Variants in PEX3 observed in about 807,000 individuals in gnomAD.
The protein encoded by PEX3 is peroxin-3.
A neutral mutation model predicts 55.8 loss-of-function variants in PEX3; 30 were observed. That is an observed-to-expected ratio of 0.54 (90% CI 0.40 to 0.73). PEX3 has a LOEUF of 0.73. PEX3 is among the 30% of genes least tolerant of loss of function. The pLI is 0.00. For synonymous variants in PEX3, 135 were observed against 148.4 expected (o/e 0.91, Z 0.66); for missense variants, 351 against 432.8 (o/e 0.81, Z 1.68).
At chr6:143,452,071 G>A (rs115031965) in intron 1 of PEX3, among the ~76,000 whole-genome samples, 5,646 of 152,184 alleles carry the variant, frequency 0.037, 347 homozygotes, top group African/African-American at 0.13. Flanking sequence ...ATTGTATTCT[G>A]TTCTCCCCAA....
At position 143,476,306 on chromosome 6, in the gene PEX3, T is replaced by C. The variant is rs146019854; in HGVS notation, c.818+1450T>C. 4.2e-4 allele frequency among the ~76,000 whole-genome samples: 64 copies of C among 152,134 alleles called. No individual in the cohort carries two copies. Among genetic ancestry groups the C allele is most frequent in the Admixed American group, 1.0e-3 (16 of 15,280 alleles). On this transcript the variant is annotated intron_variant, in intron 9 of 11. Coordinates refer to ENST00000367591, the MANE Select transcript of PEX3 (RefSeq NM_003630.3). The surrounding 1 kb of genome is among the most constrained non-coding windows in gnomAD (Gnocchi z 5.4). ...TGAGAAAAGTAATAGGGAAGTGAGA[T>C]TGGAGAGATAGATGGAAACTCCAGA...
At position 143,471,204 on chromosome 6, in the gene PEX3, AAC is replaced by A; in HGVS notation, c.456+120_456+121del. On this transcript the variant is annotated intron_variant, in intron 5 of 11. Transcript: ENST00000367591. This position sits in a 1 kb window ranked among gnomAD's most constrained non-coding sequence, Gnocchi z 5.4. ...TATTTTTATATTTCATGTGATTGTG[AAC>A]TTTTAGTATTATGAATAATTTTTAT... 3.8e-6 allele frequency: 4 copies of A among 1,060,828 alleles called. No homozygotes were observed. The South Asian group carries it at 4.2e-5, about 11-fold the overall frequency. 65.7% of individuals were successfully genotyped at this position (1,060,828 alleles called of 1,614,324 possible).
rs187607087 is a variant in PEX3 at position 143,485,668 on chromosome 6, A to T, written c.1038+420A>T. 2.5e-3 allele frequency among the ~76,000 whole-genome samples: 377 copies of T among 152,242 alleles called. 10 individuals are homozygous for T. The highest frequency in any genetic ancestry group is 0.022 in the Admixed American group (336 of 15,268). On this transcript the variant is annotated intron_variant, in intron 11 of 11. Transcript: ENST00000367591. The surrounding 1 kb of genome is among the most constrained non-coding windows in gnomAD (Gnocchi z 5.6). The stretch of plus-strand genomic sequence containing the variant: ...AGTGATTAATAAAATGTAACAGTTA[A>T]TAGTGCATCAATAATATGCTCACTA...
Position 143,471,111 on chromosome 6 carries a change from AT to A in PEX3, c.456+28del, listed in dbSNP as rs1184714245. On this transcript the variant is annotated intron_variant, in intron 5 of 11. Coordinates refer to ENST00000367591, the MANE Select transcript of PEX3 (RefSeq NM_003630.3). The surrounding 1 kb of genome is among the most constrained non-coding windows in gnomAD (Gnocchi z 5.4). ...GTAAGTTTAATAGACTTAAATAGAC[AT>A]TGTTCTTTCCCTCAGGAGGTTCAAA... The A allele has an allele frequency of 3.1e-6, 5 of 1,607,028 alleles. No individual in the cohort carries two copies. In the Admixed American group the frequency reaches 8.3e-5, roughly 27 times the overall value.
At chr6:143,457,227 CAT>C (rs1779858979) in intron 1 of PEX3, among the ~76,000 whole-genome samples, 2 of 152,164 alleles carry the variant, frequency 1.3e-5, no homozygotes, top group Non-Finnish European at 1.5e-5. Context: ...AATTGCCTGT[CAT>C]AGAGTAACTT....
At position 143,463,440 on chromosome 6, in the gene PEX3, G is replaced by T. The variant is rs150617180; in HGVS notation, c.287+443G>T. On this transcript the variant is annotated intron_variant, in intron 3 of 11. Transcript: ENST00000367591. The surrounding 1 kb of genome is among the most constrained non-coding windows in gnomAD (Gnocchi z 5.7). ...TTATATCTTAAATTACTAACAAAAT[G>T]AAATACAAACATAACATGAGCATGC... 4.6e-3 allele frequency among the ~76,000 whole-genome samples: 701 copies of T among 152,232 alleles called. 7 individuals carry two copies. The highest frequency in any genetic ancestry group is 0.018 in the Admixed American group (274 of 15,292).
Position 143,482,194 on chromosome 6 carries a change from A to C in PEX3, c.942-2958A>C, listed in dbSNP as rs535429289. Among the ~76,000 whole-genome samples the C allele has an allele frequency of 2.5e-4, 38 of 152,272 alleles. No individual in the cohort carries two copies. Among genetic ancestry groups the C allele is most frequent in the African/African-American group, 7.9e-4 (33 of 41,566 alleles). ...GATTTTTTTCTATACTTATATCTTG[A>C]AAATAGGTAACTTTTACTGTTGGAT... is the stretch of plus-strand genomic sequence containing the variant. On this transcript the variant is annotated intron_variant, in intron 10 of 11. Transcript: ENST00000367591. This position sits in a 1 kb window ranked among gnomAD's most constrained non-coding sequence, Gnocchi z 5.5.
At chr6:143,460,135 CCTT>C (rs749964683) in intron 2 of PEX3, among the ~76,000 whole-genome samples, 8 of 152,104 alleles carry the variant, frequency 5.3e-5, no homozygotes, top group African/African-American at 1.7e-4. Flanking sequence ...GGTACATTCT[CCTT>C]ATTTAATTTT....
At chr6:143,455,381 T>G (rs1196176038) in intron 1 of PEX3, among the ~76,000 whole-genome samples, 10 of 126,344 alleles carry the variant, frequency 7.9e-5, no homozygotes, top group African/African-American at 3.6e-4. Flanking sequence ...TTTTTTTTTT[T>G]TTTTTTTGTA....
At position 143,459,103 on chromosome 6, in the gene PEX3, AATAT is replaced by A; in HGVS notation, c.93_96del (p.Tyr32AspfsTer35). The stretch of plus-strand genomic sequence containing the variant: ...ATTGTAGGAGTATATATTCTGGGGA[AATAT>A]GGACAGAAGAAAATCAGAGAAATAC... On this transcript the variant is annotated frameshift_variant, in exon 2 of 12. Coordinates refer to ENST00000367591, the MANE Select transcript of PEX3 (RefSeq NM_003630.3). LOFTEE classifies it high-confidence loss of function. The surrounding 1 kb of genome is among the most constrained non-coding windows in gnomAD (Gnocchi z 4.2). 1 of 1,595,408 alleles carries A rather than the reference AATAT, an allele frequency of 6.3e-7. No homozygotes were observed. Among genetic ancestry groups the A allele is most frequent in the Non-Finnish European group, 8.6e-7 (1 of 1,163,006 alleles).
chr6:143,488,423 G>A lies in PEX3; in HGVS notation c.1039-720G>A, dbSNP rs1319979604. On this transcript the variant is annotated intron_variant, in intron 11 of 11. Coordinates refer to ENST00000367591, the MANE Select transcript of PEX3 (RefSeq NM_003630.3). The surrounding 1 kb of genome is among the most constrained non-coding windows in gnomAD (Gnocchi z 4.9). Reference sequence around the variant, plus strand: ...TTTAAAATTAAGTGTATGATATAGCGGTATTGCTTCTTTATTCATGCATTA... The same window carrying A: ...TTTAAAATTAAGTGTATGATATAGCAGTATTGCTTCTTTATTCATGCATTA... Among the ~76,000 whole-genome samples, 1 of 151,920 alleles carries A rather than the reference G, an allele frequency of 6.6e-6. No homozygotes were observed. Among genetic ancestry groups the A allele is most frequent in the Non-Finnish European group, 1.5e-5 (1 of 67,952 alleles).
intron 4 of PEX3, among the ~76,000 whole-genome samples, chr6:143,468,513 T>TA (rs1414846582): frequency 6.6e-6 from 1 of 152,180 alleles, no homozygotes; most frequent in Admixed American, 6.5e-5. Context: ...TTGTTAGTGA[T>TA]AAAAAATTGA....
rs1001662877 is a variant in PEX3, at chr6:143,487,074, G to A, written c.1038+1826G>A. Among the ~76,000 whole-genome samples, 1 of 152,262 alleles carries A rather than the reference G, an allele frequency of 6.6e-6. No individual in the cohort carries two copies. ...GAAATGGGAGAATCAGAAAACAATC[G>A]AGAAAGGTGGTTTTTCAAATTATTT... On this transcript the variant is annotated intron_variant, in intron 11 of 11. Transcript: ENST00000367591. This position sits in a 1 kb window ranked among gnomAD's most constrained non-coding sequence, Gnocchi z 5.3.
chr6:143,489,931 T>C lies in PEX3; in HGVS notation c.*705T>C, dbSNP rs1037741567. 6.6e-6 allele frequency: 1 copy of C among 152,182 alleles called. No homozygotes were observed. The highest frequency in any genetic ancestry group is 3.2e-3 in the Middle Eastern group (1 of 316). 9.4% of individuals were successfully genotyped at this position (152,182 alleles called of 1,614,324 possible). ...CTAATTACATAGTTTTAATCATTTGTACATAATTTTAAAAACTTACTTTGT... is the reference window on the plus strand; with the variant it reads ...CTAATTACATAGTTTTAATCATTTGCACATAATTTTAAAAACTTACTTTGT... On this transcript the variant is annotated 3_prime_UTR_variant, in exon 12 of 12. Transcript: ENST00000367591. This position sits in a 1 kb window ranked among gnomAD's most constrained non-coding sequence, Gnocchi z 5.5.
In PEX3 at chr6:143,475,506, A is replaced by G. The variant is rs752258183; in HGVS notation, c.818+650A>G. 6.6e-6 allele frequency among the ~76,000 whole-genome samples: 1 copy of G among 152,168 alleles called. No homozygotes were observed. The highest frequency in any genetic ancestry group is 1.5e-5 in the Non-Finnish European group (1 of 68,024). On this transcript the variant is annotated intron_variant, in intron 9 of 11. Transcript: ENST00000367591. The surrounding 1 kb of genome is among the most constrained non-coding windows in gnomAD (Gnocchi z 4.4). The stretch of plus-strand genomic sequence containing the variant: ...CATCTTAAACAAAAGAAAAAAAATT[A>G]GCCAGGCATGGTGGTGCACACCTGT...
Position 143,489,544 on chromosome 6 carries a change from A to AT in PEX3, c.*318_*319insT, listed in dbSNP as rs1491519968. On this transcript the variant is annotated 3_prime_UTR_variant, in exon 12 of 12. Coordinates refer to ENST00000367591, the MANE Select transcript of PEX3 (RefSeq NM_003630.3). This position sits in a 1 kb window ranked among gnomAD's most constrained non-coding sequence, Gnocchi z 5.5. ...ATATTTTATATACATATATATATAT[A>AT]AAAATACAAAATTCAGTGTACTTTA... The AT allele has an allele frequency of 5.7e-3, 878 of 154,386 alleles. 4 individuals carry two copies. Among genetic ancestry groups the AT allele is most frequent in the Non-Finnish European group, 7.5e-3 (535 of 71,432 alleles). The allele number at this position is 154,386 out of a possible 1,614,324, so 9.6% of individuals were successfully genotyped here.
rs1779975338 is a variant in PEX3, at chr6:143,465,189, C to T, written c.287+2192C>T. Among the ~76,000 whole-genome samples the T allele has an allele frequency of 1.3e-5, 2 of 152,008 alleles. No individual in the cohort carries two copies. The highest frequency in any genetic ancestry group is 2.4e-5 in the African/African-American group (1 of 41,522). ...TTGTATTTAACTTGCAGTTGATTTC[C>T]ATCAAACAAATCATTTGAAAGGAAT... On this transcript the variant is annotated intron_variant, in intron 3 of 11. Transcript: ENST00000367591. This position sits in a 1 kb window ranked among gnomAD's most constrained non-coding sequence, Gnocchi z 4.7.
chr6:143,481,115 T>G (rs112394928), intron 10 of PEX3, among the ~76,000 whole-genome samples: 1,596 of 144,982 alleles, frequency 0.011, 23 homozygotes, highest in African/African-American at 0.038. Flanking sequence ...GAGAATCAAC[T>G]GAAAAATGAG....
At chr6:143,455,453 G>A (rs1779833609) in intron 1 of PEX3, among the ~76,000 whole-genome samples, 1 of 138,958 alleles carries the variant, frequency 7.2e-6, no homozygotes, top group African/African-American at 2.7e-5. Context: ...CTGACCTCGT[G>A]ATCCGCCCAC....
Sources: allele counts gnomAD v4.1 joint callset (sites outside exome capture counted in the v4.1 genomes callset), GRCh38; gene constraint gnomAD v4.1.1; non-coding constraint Gnocchi (gnomAD v3.1); transcripts MANE v1.5; gene names NCBI Gene and HGNC (gene_info 2026-07-23, HGNC 2026-07-21).